ITGAV: variants seen among roughly 807,000 people sequenced by gnomAD.
The protein encoded by ITGAV is integrin subunit alpha V, also known as integrin alpha-V.
Under a neutral mutation model 143.8 loss-of-function variants are expected in ITGAV, and 76 were observed. The observed-to-expected ratio is 0.53, with a 90% CI of 0.44 to 0.64. The LOEUF (loss-of-function observed/expected upper bound fraction) is 0.64, where lower values mean the gene tolerates loss of function less well. Among genes scored for constraint, ITGAV ranks in the 30% least tolerant of loss-of-function variants. ITGAV has a pLI of 0.00. For missense variants in ITGAV, 1,193 were observed against 1,274.7 expected (o/e 0.94, Z 0.98); for synonymous variants, 453 against 446.7 (o/e 1.01, Z -0.18).
At chr2:186,672,928 A>C (rs1689105328) in intron 26 of ITGAV, among the ~76,000 whole-genome samples, 1 of 152,158 alleles carries the variant, frequency 6.6e-6, no homozygotes, top group Admixed American at 6.5e-5. Flanking sequence ...TCTGAAGTTC[A>C]ATTTATCTAT....
chr2:186,638,384 A>G (rs765579889), intron 9 of ITGAV, 25 bp from the exon 10 acceptor site: 2 of 1,607,584 alleles, frequency 1.2e-6, no homozygotes, highest in African/African-American at 1.3e-5. Context: ...ACCAGATTTC[A>G]CATACTTCTA....
Position 186,679,545 on chromosome 2 carries a change from A to G in ITGAV, c.*2253A>G, listed in dbSNP as rs997796751. Reference sequence around the variant, plus strand: ...CAAAAAATTGCCCTATGAAAACTTTAAATCTCTAAAACATTTGAAATACTA... The same window carrying G: ...CAAAAAATTGCCCTATGAAAACTTTGAATCTCTAAAACATTTGAAATACTA... On this transcript the variant is annotated 3_prime_UTR_variant, in exon 30 of 30. Transcript: ENST00000261023. The G allele has an allele frequency of 6.6e-6, 1 of 151,948 alleles. No homozygotes were observed. Among genetic ancestry groups the G allele is most frequent in the African/African-American group, 2.4e-5 (1 of 41,420 alleles). The allele number at this position is 151,948 out of a possible 1,614,324, so 9.4% of individuals were successfully genotyped here.
intron 3 of ITGAV, among the ~76,000 whole-genome samples, 198 bp downstream of exon 3, chr2:186,622,628 T>G (rs1289043808): frequency 6.6e-6 from 1 of 152,204 alleles, no homozygotes; most frequent in East Asian, 1.9e-4. Context: ...GGCTTTCACA[T>G]TTTTTCACCC....
chr2:186,660,900 T>C (rs575325381), intron 18 of ITGAV, among the ~76,000 whole-genome samples: 26 of 152,312 alleles, frequency 1.7e-4, no homozygotes, highest in African/African-American at 6.3e-4. Context: ...ATGGTCTTCC[T>C]TTTGTGTGTG....
intron 21 of ITGAV, among the ~76,000 whole-genome samples, chr2:186,665,916 G>A (rs1176258816): frequency 9.9e-5 from 15 of 152,088 alleles, no homozygotes; most frequent in Admixed American, 8.5e-4. Flanking sequence ...TAGATGTATG[G>A]TATCTTAGGG....
rs72903159 is a variant in ITGAV at position 186,611,742 on chromosome 2, C to T, written c.316+9591C>T. 4.6e-3 allele frequency among the ~76,000 whole-genome samples: 697 copies of T among 152,282 alleles called. 6 individuals carry two copies. Among genetic ancestry groups the T allele is most frequent in the Middle Eastern group, 0.02 (6 of 294 alleles). On this transcript the variant is annotated intron_variant, in intron 2 of 29. Transcript: ENST00000261023. ...ATCTGTCAAATAAGCATAATACCTA[C>T]CTCTCAGGGTTGCCATGTAGATCAA... is the stretch of plus-strand genomic sequence containing the variant.
chr2:186,675,953 A>G (rs776188925), intron 28 of ITGAV, 26 bp downstream of exon 28: 3 of 1,234,298 alleles, frequency 2.4e-6, no homozygotes, highest in Non-Finnish European at 3.5e-6. Context: ...AGGCAAATAG[A>G]ATAAATTTAC....
At chr2:186,653,192 G>T (rs1366669380) in intron 15 of ITGAV, among the ~76,000 whole-genome samples, 1 of 151,846 alleles carries the variant, frequency 6.6e-6, no homozygotes, top group Non-Finnish European at 1.5e-5. Context: ...TGATCCACCC[G>T]CCTCGGCCTC....
intron 2 of ITGAV, among the ~76,000 whole-genome samples, chr2:186,614,850 A>C (rs1318705897): frequency 6.6e-6 from 1 of 151,974 alleles, no homozygotes; most frequent in Non-Finnish European, 1.5e-5. Context: ...CTTTTTAAAA[A>C]CAGTTTTATT....
At chr2:186,651,931 C>T in intron 14 of ITGAV, 51 bp from the exon 15 acceptor site, 1 of 1,080,494 alleles carries the variant, frequency 9.3e-7, no homozygotes, top group South Asian at 1.4e-5. Context: ...TTCAATCAAC[C>T]TAACTTTTTA....
rs566717981 is a variant in ITGAV, at chr2:186,590,230, C to G, written c.-109C>G. ...CCGGGCTAGCCGAGAAGAGAGCGGC[C>G]GGCAAGTTTGGGCGCGCGCAGGCGG... On this transcript the variant is annotated 5_prime_UTR_variant, in exon 1 of 30. Transcript: ENST00000261023. 8.5e-6 allele frequency: 8 copies of G among 940,208 alleles called. 1 individual carries two copies. The highest frequency in any genetic ancestry group is 3.6e-4 in the Middle Eastern group (1 of 2,816). 58.2% of individuals were successfully genotyped at this position (940,208 alleles called of 1,614,324 possible).
At chr2:186,672,556 A>G (rs1386065879) in intron 26 of ITGAV, among the ~76,000 whole-genome samples, 1 of 152,056 alleles carries the variant, frequency 6.6e-6, no homozygotes, top group African/African-American at 2.4e-5. Context: ...TGAGGGTCCT[A>G]TTTTCTCCAC....
Position 186,590,089 on chromosome 2 carries a change from G to C in ITGAV, c.-250G>C. ...GCCTCAGACGCTGCGTGGAGCGGCG[G>C]AGCCGGAGGGAAGCAAAGGACCGTC... On this transcript the variant is annotated 5_prime_UTR_variant, in exon 1 of 30. Coordinates refer to ENST00000261023, the MANE Select transcript of ITGAV (RefSeq NM_002210.5). 1 of 393,268 alleles carries C rather than the reference G, an allele frequency of 2.5e-6. No individual in the cohort carries two copies. 24.4% of individuals were successfully genotyped at this position (393,268 alleles called of 1,614,324 possible).
In ITGAV at chr2:186,590,471, G is replaced by A. The variant is rs1686582506; in HGVS notation, c.133G>A (p.Glu45Lys). The A allele has an allele frequency of 6.2e-7, 1 of 1,611,628 alleles. No individual in the cohort carries two copies. Among genetic ancestry groups the A allele is most frequent in the African/African-American group, 1.3e-5 (1 of 74,826 alleles). Residue 45 changes from glutamate (E) to lysine (K), a missense_variant, in exon 1 of 30, where the codon GAG (glutamate) becomes AAG (lysine). Glu to Lys is a moderately conservative substitution (Grantham distance 56). Coordinates refer to ENST00000261023, the MANE Select transcript of ITGAV (RefSeq NM_002210.5). ...VDSPAEYSGP[E>K]GSYFGFAVDF... Reference sequence around the variant, plus strand: ...CAGTCCTGCCGAGTACTCTGGCCCCGAGGGAAGTTACTTCGGCTTCGCCGT... The same window carrying A: ...CAGTCCTGCCGAGTACTCTGGCCCCAAGGGAAGTTACTTCGGCTTCGCCGT...
At chr2:186,672,220 G>A (rs1689087041) in intron 26 of ITGAV, among the ~76,000 whole-genome samples, 1 of 152,138 alleles carries the variant, frequency 6.6e-6, no homozygotes, top group African/African-American at 2.4e-5. Context: ...AAAGTGTTGG[G>A]ATTACAGGCG....
At chr2:186,645,712 A>C (rs1391540026) in intron 12 of ITGAV, among the ~76,000 whole-genome samples, 1 of 152,162 alleles carries the variant, frequency 6.6e-6, no homozygotes, top group Admixed American at 6.5e-5. Context: ...TCACGCCTGT[A>C]ATCCCCCCAC....
chr2:186,613,116 A>C, intron 2 of ITGAV, among the ~76,000 whole-genome samples: 1 of 149,368 alleles, frequency 6.7e-6, no homozygotes, highest in Non-Finnish European at 1.5e-5. Context: ...GACCTGACTC[A>C]ACCCATTCTT....
intron 2 of ITGAV, among the ~76,000 whole-genome samples, chr2:186,618,401 A>G (rs1687426951): frequency 6.6e-6 from 1 of 152,226 alleles, no homozygotes; most frequent in South Asian, 2.1e-4. Flanking sequence ...CCAAAAAGAT[A>G]TGTCAAATTT....
intron 4 of ITGAV, among the ~76,000 whole-genome samples, chr2:186,629,509 A>T (rs1371631432): frequency 2.0e-5 from 3 of 150,934 alleles, no homozygotes; most frequent in African/African-American, 7.3e-5. Flanking sequence ...ACATTTTCCC[A>T]CTCCCTCTTG....
Sources: allele counts gnomAD v4.1 joint callset (sites outside exome capture counted in the v4.1 genomes callset), GRCh38; gene constraint gnomAD v4.1.1; transcripts MANE v1.5; gene names NCBI Gene and HGNC (gene_info 2026-07-23, HGNC 2026-07-21).